CDH13: variants seen among roughly 807,000 people sequenced by gnomAD.
The protein encoded by CDH13 is cadherin 13, also known as cadherin-13.
Under a neutral mutation model 63.8 loss-of-function variants are expected in CDH13, and 24 were observed. That is an observed-to-expected ratio of 0.38 (90% CI 0.27 to 0.53). The LOEUF (loss-of-function observed/expected upper bound fraction) is 0.53, where lower values mean the gene tolerates loss of function less well. Among genes scored for constraint, CDH13 ranks in the 20% least tolerant of loss-of-function variants. The probability of loss-of-function intolerance (pLI) is 0.85; values close to 1 mark genes in which losing one functional copy is unlikely to be tolerated. For missense variants in CDH13, 1,049 were observed against 903.1 expected (o/e 1.16, Z -2.07); for synonymous variants, 503 against 355.3 (o/e 1.42, Z -4.67).
intron 6 of CDH13, among the ~76,000 whole-genome samples, chr16:83,349,125 A>T (rs900499741): frequency 2.0e-5 from 3 of 152,208 alleles, no homozygotes; most frequent in Non-Finnish European, 4.4e-5. Context: ...TCATTCCTGG[A>T]TGAAGGAAGA....
chr16:82,855,665 A>G (rs1481494207), intron 1 of CDH13, among the ~76,000 whole-genome samples: 1 of 152,200 alleles, frequency 6.6e-6, no homozygotes, highest in Non-Finnish European at 1.5e-5. Context: ...CTCTCAAGAC[A>G]AGGGAATCCA....
At chr16:83,559,338 G>A (rs1220012972) in intron 7 of CDH13, among the ~76,000 whole-genome samples, 3 of 152,106 alleles carry the variant, frequency 2.0e-5, no homozygotes, top group Non-Finnish European at 2.9e-5. Flanking sequence ...TTGGGAGGCC[G>A]AGGCAGGTGG....
intron 2 of CDH13, among the ~76,000 whole-genome samples, chr16:82,863,175 A>G (rs1346627537): frequency 6.6e-6 from 1 of 152,196 alleles, no homozygotes; most frequent in South Asian, 2.1e-4. Context: ...ACAGAAATGG[A>G]CCACAAAGGA....
At chr16:83,779,356 G>T (rs1318226970) in intron 11 of CDH13, among the ~76,000 whole-genome samples, 2 of 125,800 alleles carry the variant, frequency 1.6e-5, no homozygotes, top group Admixed American at 2.1e-4. Flanking sequence ...GCAGTGAGTC[G>T]AGATTGCGCC....
At chr16:83,267,076 G>A (rs940233183) in intron 5 of CDH13, among the ~76,000 whole-genome samples, 2 of 152,056 alleles carry the variant, frequency 1.3e-5, no homozygotes, top group East Asian at 1.9e-4. Context: ...TTAAGAATTT[G>A]TTAGGGAGGA....
intron 2 of CDH13, among the ~76,000 whole-genome samples, chr16:82,956,885 C>T (rs551782781): frequency 6.6e-6 from 1 of 152,152 alleles, no homozygotes; most frequent in East Asian, 1.9e-4. Context: ...AAGATAGATG[C>T]ATATTACTCT....
chr16:83,123,812 C>G (rs948883969), intron 3 of CDH13, among the ~76,000 whole-genome samples: 1 of 152,118 alleles, frequency 6.6e-6, no homozygotes, highest in African/African-American at 2.4e-5. Flanking sequence ...CACTAATTTA[C>G]ACTCCCACCA....
intron 5 of CDH13, among the ~76,000 whole-genome samples, chr16:83,227,873 C>T (rs965651624): frequency 6.6e-6 from 1 of 152,138 alleles, no homozygotes; most frequent in African/African-American, 2.4e-5. Context: ...TTGTGTTAGC[C>T]ACTATTTCAC....
chr16:83,670,747 G>A lies in CDH13; in HGVS notation c.1102-43G>A, dbSNP rs373591824. On this transcript the variant is annotated intron_variant, in intron 8 of 13. Transcript: ENST00000567109. Reference sequence around the variant, plus strand: ...TGCAAAGCATGTAGTAAATGACTATGTGTTTTCAAAATAGTGACCATTACC... The same window carrying A: ...TGCAAAGCATGTAGTAAATGACTATATGTTTTCAAAATAGTGACCATTACC... 8.9e-6 allele frequency: 14 copies of A among 1,570,710 alleles called. No homozygotes were observed. The African/African-American group carries it at 1.8e-4, about 20-fold the overall frequency.
intron 1 of CDH13, among the ~76,000 whole-genome samples, chr16:82,708,819 G>A (rs940484077): frequency 6.6e-6 from 1 of 152,182 alleles, no homozygotes; most frequent in Non-Finnish European, 1.5e-5. Flanking sequence ...AACTTGCACA[G>A]TGTGAATATC....
intron 1 of CDH13, among the ~76,000 whole-genome samples, chr16:82,656,157 T>C (rs1911269220): frequency 6.6e-6 from 1 of 152,082 alleles, no homozygotes; most frequent in African/African-American, 2.4e-5. Flanking sequence ...GAAAATCATG[T>C]TGAAGATAGT....
intron 10 of CDH13, among the ~76,000 whole-genome samples, chr16:83,719,721 T>G (rs1317722421): frequency 2.6e-5 from 4 of 152,304 alleles, no homozygotes; most frequent in Middle Eastern, 3.4e-3. Context: ...CCATGTTCTG[T>G]GCCATGTCCT....
chr16:83,255,656 C>T (rs1906171781), intron 5 of CDH13, among the ~76,000 whole-genome samples: 1 of 152,110 alleles, frequency 6.6e-6, no homozygotes, highest in African/African-American at 2.4e-5. Flanking sequence ...TGTTGTTTTC[C>T]TGGCCTGCTA....
chr16:83,632,668 A>C (rs1910891080), intron 8 of CDH13, among the ~76,000 whole-genome samples: 1 of 150,330 alleles, frequency 6.7e-6, no homozygotes. Flanking sequence ...AAAGGGGTCC[A>C]GATCCAGATC....
chr16:83,696,393 C>G (rs1025584352), intron 10 of CDH13, among the ~76,000 whole-genome samples: 3 of 152,042 alleles, frequency 2.0e-5, no homozygotes, highest in Admixed American at 1.3e-4. Context: ...TTCTTTGTGT[C>G]TGGGGCTTCT....
chr16:83,415,364 T>C (rs2325873), intron 6 of CDH13, among the ~76,000 whole-genome samples: 5,349 of 152,198 alleles, frequency 0.035, 115 homozygotes, highest in East Asian at 0.12. Flanking sequence ...AGAATCCTTC[T>C]CAAACTCTTC....
Position 82,644,067 on chromosome 16 carries a change from G to C in CDH13, c.45+16930G>C, listed in dbSNP as rs1909766522. 6.6e-6 allele frequency among the ~76,000 whole-genome samples: 1 copy of C among 152,198 alleles called. No individual in the cohort carries two copies. The highest frequency in any genetic ancestry group is 1.5e-5 in the Non-Finnish European group (1 of 68,038). ...GTGGTTTAGGATGGGGGGTGGTATG[G>C]AGGTCGGGTGGGGAGAAAGAGGAGA... On this transcript the variant is annotated intron_variant, in intron 1 of 13. Transcript: ENST00000567109. The surrounding 1 kb of genome is among the most constrained non-coding windows in gnomAD (Gnocchi z 5.7).
chr16:83,544,505 C>T (rs2075348710), intron 7 of CDH13, among the ~76,000 whole-genome samples: 3 of 152,104 alleles, frequency 2.0e-5, no homozygotes, highest in African/African-American at 7.2e-5. Flanking sequence ...AGAACACTTC[C>T]AGTACAGTAT....
At chr16:83,675,908 T>C (rs954246634) in intron 9 of CDH13, among the ~76,000 whole-genome samples, 2 of 152,252 alleles carry the variant, frequency 1.3e-5, no homozygotes, top group African/African-American at 4.8e-5. Context: ...CATTCATTCA[T>C]TCATTCATTC....
Sources: gnomAD v4.1 joint callset for allele counts (sites outside exome capture counted in the v4.1 genomes callset) on GRCh38, gnomAD v4.1.1 for gene constraint, Gnocchi (gnomAD v3.1) non-coding constraint, MANE v1.5 for transcripts, NCBI Gene and HGNC (gene_info 2026-07-23, HGNC 2026-07-21) for gene names.